DENND1A: variants seen among roughly 807,000 people sequenced by gnomAD.
DENND1A encodes the protein DENN domain containing 1A.
In DENND1A, 51 loss-of-function variants were observed where a neutral mutation model predicts 113.7. The ratio of observed to expected loss-of-function variants is 0.45; its 90% CI spans 0.36 to 0.57. The LOEUF is 0.57. DENND1A is among the 20% of genes least tolerant of loss of function. DENND1A has a pLI of 0.00. For synonymous variants in DENND1A, 565 were observed against 570.8 expected (o/e 0.99, Z 0.14); for missense variants, 1,258 against 1,395.9 (o/e 0.90, Z 1.57).
At chr9:123,598,466 A>AAAC (rs757697008) in intron 11 of DENND1A, among the ~76,000 whole-genome samples, 2 of 151,676 alleles carry the variant, frequency 1.3e-5, no homozygotes, top group African/African-American at 4.8e-5. Flanking sequence ...CAAAAAAAAA[A>AAAC]AAAAAAAAAA....
At chr9:123,927,168 C>T (rs1857262298) in intron 1 of DENND1A, among the ~76,000 whole-genome samples, 1 of 152,212 alleles carries the variant, frequency 6.6e-6, no homozygotes, top group African/African-American at 2.4e-5. Flanking sequence ...TTGTGTTCAA[C>T]CAGGCTTAAA....
At chr9:123,446,481 T>C (rs550288486) in intron 18 of DENND1A, among the ~76,000 whole-genome samples, 8 of 152,310 alleles carry the variant, frequency 5.3e-5, no homozygotes, top group Non-Finnish European at 1.0e-4. Context: ...TTCAAGCCTC[T>C]GTGAAACCAA....
chr9:123,911,558 A>C (rs1853967137), intron 1 of DENND1A, among the ~76,000 whole-genome samples: 1 of 152,226 alleles, frequency 6.6e-6, no homozygotes, highest in South Asian at 2.1e-4. Context: ...ACATACAACA[A>C]CACAGATGAA....
chr9:123,924,692 T>C (rs1176713048), intron 1 of DENND1A, among the ~76,000 whole-genome samples: 1 of 152,120 alleles, frequency 6.6e-6, no homozygotes, highest in Admixed American at 6.5e-5. Flanking sequence ...GAATCTTATG[T>C]TGTAATCTTA....
At chr9:123,755,799 C>T (rs942795682) in intron 5 of DENND1A, among the ~76,000 whole-genome samples, 1 of 152,184 alleles carries the variant, frequency 6.6e-6, no homozygotes, top group Non-Finnish European at 1.5e-5. Context: ...TGTAAGAATA[C>T]AGTATATAAG....
intron 3 of DENND1A, among the ~76,000 whole-genome samples, chr9:123,773,804 C>G (rs931702798): frequency 6.6e-6 from 1 of 152,064 alleles, no homozygotes; most frequent in Non-Finnish European, 1.5e-5. Context: ...TTATAGTGTC[C>G]ACTGGAGTTA....
intron 4 of DENND1A, among the ~76,000 whole-genome samples, chr9:123,763,977 A>G (rs544137412): frequency 6.6e-6 from 1 of 152,250 alleles, no homozygotes; most frequent in East Asian, 1.9e-4. Context: ...TAGGATGAAT[A>G]CCAGAACTTG....
chr9:123,609,548 G>A, intron 10 of DENND1A, 67 bp from the exon 11 acceptor site: 1 of 1,556,140 alleles, frequency 6.4e-7, no homozygotes, highest in Non-Finnish European at 8.8e-7. Flanking sequence ...AATTACAGAT[G>A]GTTCACTATT....
intron 12 of DENND1A, among the ~76,000 whole-genome samples, chr9:123,560,632 A>T (rs1352199576): frequency 6.6e-6 from 1 of 151,148 alleles, no homozygotes; most frequent in Non-Finnish European, 1.5e-5. Flanking sequence ...TGAGGTTGCA[A>T]TGAGCTATGA....
chr9:123,868,076 A>C (rs1846035425), intron 2 of DENND1A, among the ~76,000 whole-genome samples: 2 of 152,208 alleles, frequency 1.3e-5, no homozygotes, highest in Admixed American at 6.5e-5. Flanking sequence ...TCTCAGTGTT[A>C]AGAGCCAGTA....
chr9:123,418,397 AC>A (rs936720039), intron 19 of DENND1A, among the ~76,000 whole-genome samples: 2 of 152,172 alleles, frequency 1.3e-5, no homozygotes, highest in African/African-American at 4.8e-5. Flanking sequence ...TGGATATGAA[AC>A]CGGCATTTAT....
intron 12 of DENND1A, among the ~76,000 whole-genome samples, chr9:123,564,980 CT>C (rs199613371): frequency 0.038 from 2,912 of 75,658 alleles, 66 homozygotes; most frequent in African/African-American, 0.14. Flanking sequence ...TCTGTCCCTT[CT>C]TTTTTTTTTT....
intron 10 of DENND1A, among the ~76,000 whole-genome samples, chr9:123,612,896 C>G (rs1330567923): frequency 6.6e-6 from 1 of 152,204 alleles, no homozygotes. Flanking sequence ...GGCACAGCAG[C>G]AGCACATGGT....
chr9:123,919,712 T>C (rs150796918), intron 1 of DENND1A, among the ~76,000 whole-genome samples: 68 of 150,056 alleles, frequency 4.5e-4, no homozygotes, highest in Non-Finnish European at 8.3e-4. Flanking sequence ...TGAAATCTCA[T>C]CTCTACCAAC....
intron 13 of DENND1A, among the ~76,000 whole-genome samples, chr9:123,483,860 G>T (rs937179276): frequency 4.6e-5 from 7 of 152,216 alleles, no homozygotes; most frequent in Non-Finnish European, 7.3e-5. Context: ...GGCCAGATGT[G>T]TAAGAGAGAC....
chr9:123,643,088 G>T (rs913360785), intron 9 of DENND1A, among the ~76,000 whole-genome samples: 1 of 152,114 alleles, frequency 6.6e-6, no homozygotes, highest in Admixed American at 6.5e-5. Flanking sequence ...TGTTCCACTC[G>T]AATACTGAAA....
intron 2 of DENND1A, among the ~76,000 whole-genome samples, chr9:123,837,256 C>G (rs1427182651): frequency 5.9e-5 from 9 of 152,216 alleles, no homozygotes. Flanking sequence ...CACCATTCCA[C>G]TACATTCACA....
At chr9:123,923,035 A>C (rs1305249895) in intron 1 of DENND1A, among the ~76,000 whole-genome samples, 1 of 152,212 alleles carries the variant, frequency 6.6e-6, no homozygotes, top group Non-Finnish European at 1.5e-5. Flanking sequence ...AAGCCCCTTT[A>C]AGCAAAAAGG....
intron 13 of DENND1A, among the ~76,000 whole-genome samples, chr9:123,501,981 T>TTATA (rs199783058): frequency 6.6e-6 from 1 of 151,560 alleles, no homozygotes; most frequent in Non-Finnish European, 1.5e-5. Flanking sequence ...AAACTCCCCT[T>TTATA]TATATATATA....
Sources: allele counts gnomAD v4.1 joint callset (sites outside exome capture counted in the v4.1 genomes callset), GRCh38; gene constraint gnomAD v4.1.1; transcripts MANE v1.5; gene names NCBI Gene and HGNC (gene_info 2026-07-23, HGNC 2026-07-21).